Variants in ACLY observed in about 807,000 individuals in gnomAD.
The protein encoded by ACLY is ATP citrate lyase.
ACLY carries 41 observed loss-of-function variants against 133.0 expected under a neutral mutation model. The ratio of observed to expected loss-of-function variants is 0.31; its 90% CI spans 0.24 to 0.40. ACLY has a LOEUF of 0.40. ACLY is among the 10% of genes least tolerant of loss of function. The pLI is 1.00. For missense variants in ACLY, 1,046 were observed against 1,453.8 expected, an observed-to-expected ratio of 0.72 and a Z score of 4.56; for synonymous variants, 495 against 549.3, an observed-to-expected ratio of 0.90 and a Z score of 1.38.
rs544578801 is a variant in ACLY, at chr17:41,876,061, C to T, written c.2487+2042G>A. On this transcript the variant is annotated intron_variant, in intron 22 of 28. Coordinates refer to ENST00000352035, the MANE Select transcript of ACLY (RefSeq NM_001096.3). ...GGAGCGTCTCTGCCCGGCCGCCCAT[C>T]GTCTGAGATGTGGGGATGAGGAGAT... Among the ~76,000 whole-genome samples, 14 of 149,464 alleles carry T rather than the reference C, an allele frequency of 9.4e-5. No individual in the cohort carries two copies. The East Asian group carries it at 1.8e-3, about 19-fold the overall frequency.
At chr17:41,884,336 G>C in intron 18 of ACLY, 62 bp from the exon 19 acceptor site, 1 of 1,106,572 alleles carries the variant, frequency 9.0e-7, no homozygotes, top group South Asian at 1.2e-5. Flanking sequence ...AGTGTGTACA[G>C]GGTTAGGAAG....
At chr17:41,920,742 C>T (rs1307917640), upstream of ACLY, among the ~76,000 whole-genome samples, 1 of 151,978 alleles carries the variant, frequency 6.6e-6, no homozygotes, top group African/African-American at 2.4e-5. Context: ...GCCCCCACCA[C>T]CACCATCAAA....
chr17:41,917,251 C>T (rs1402208317), intron 1 of ACLY, among the ~76,000 whole-genome samples: 2 of 151,970 alleles, frequency 1.3e-5, no homozygotes, highest in African/African-American at 4.8e-5. Flanking sequence ...TCCCCAGTAG[C>T]TGAATGTGCT....
chr17:41,921,611 T>C (rs1857803480), upstream of ACLY, among the ~76,000 whole-genome samples: 1 of 152,118 alleles, frequency 6.6e-6, no homozygotes, highest in Admixed American at 6.5e-5. Context: ...AAGGAGGGCT[T>C]GAGCCCAGGA....
Position 41,869,514 on chromosome 17 carries a change from A to G in ACLY, c.3011T>C (p.Leu1004Pro). The G allele has an allele frequency of 6.2e-7, 1 of 1,614,088 alleles. No individual in the cohort carries two copies. Among genetic ancestry groups the G allele is most frequent in the Non-Finnish European group, 8.5e-7 (1 of 1,180,024 alleles). ...CTTCTCTACTTCCAGTGCATAATCG[A>G]GCAGAGGAGTGGCAGGGAAGTGCTG... ...VRQHFPATPL[L>P]DYALEVEKIT... Residue 1004 changes from leucine to proline, a missense_variant, in exon 26 of 29, where the codon CTC (leucine) becomes CCC (proline). Leu to Pro is a moderately conservative substitution (Grantham distance 98, BLOSUM62 -3). Around this residue, in one of 4 missense-constraint regions of ACLY, gnomAD observed 205 missense variants for 373.3 expected, o/e 0.55. Transcript: ENST00000352035.
intron 16 of ACLY, among the ~76,000 whole-genome samples, chr17:41,889,947 C>T (rs1453728898): frequency 2.0e-5 from 3 of 152,036 alleles, no homozygotes; most frequent in African/African-American, 7.2e-5. Flanking sequence ...TCCTGGGATT[C>T]CAGATGTGAG....
At chr17:41,892,607 T>A (rs1555629561) in intron 15 of ACLY, among the ~76,000 whole-genome samples, 160 bp from the exon 16 acceptor site, 1 of 151,968 alleles carries the variant, frequency 6.6e-6, no homozygotes, top group Non-Finnish European at 1.5e-5. Context: ...GAATACTGAC[T>A]GCCTCTGTCT....
In ACLY at chr17:41,878,848, T is replaced by C. The variant is rs1555626656; in HGVS notation, c.2342A>G (p.Glu781Gly). 1 of 1,614,088 alleles carries C rather than the reference T, an allele frequency of 6.2e-7. No homozygotes were observed. The highest frequency in any genetic ancestry group is 1.1e-5 in the South Asian group (1 of 91,074). ...TAVAKNQALK[E>G]AGVFVPRSFD... ...GCTCCGGGGCACAAACACTCCTGCTTCCTTCAAAGCCTGGTTCTTGGCTAC... is the reference window on the plus strand; with the variant it reads ...GCTCCGGGGCACAAACACTCCTGCTCCCTTCAAAGCCTGGTTCTTGGCTAC... Residue 781 changes from glutamate to glycine, a missense_variant, in exon 21 of 29, where the codon GAA becomes GGA. Coordinates refer to ENST00000352035, the MANE Select transcript of ACLY (RefSeq NM_001096.3).
At chr17:41,893,482 C>T (rs2049274634) in intron 14 of ACLY, among the ~76,000 whole-genome samples, 1 of 152,230 alleles carries the variant, frequency 6.6e-6, no homozygotes, top group Non-Finnish European at 1.5e-5. Flanking sequence ...TCCTATAGGA[C>T]CTGCTTCATT....
At chr17:41,887,855 C>T (rs782586732) in intron 16 of ACLY, 152 bp from the exon 17 acceptor site, 9 of 631,022 alleles carry the variant, frequency 1.4e-5, no homozygotes, top group Admixed American at 9.4e-5. Context: ...CAGCCGGGCG[C>T]GGTGGCTCAT....
intron 15 of ACLY, 87 bp downstream of exon 15, chr17:41,892,946 T>C: frequency 1.3e-6 from 2 of 1,519,652 alleles, no homozygotes; most frequent in East Asian, 2.3e-5. Flanking sequence ...CCCAAAGCGC[T>C]AGGATTACAG....
intron 20 of ACLY, 93 bp downstream of exon 20, chr17:41,883,029 C>T: frequency 9.6e-7 from 1 of 1,042,730 alleles, no homozygotes; most frequent in South Asian, 1.5e-5. Flanking sequence ...AAGGAACTAG[C>T]TGCGAATTAA....
chr17:41,914,518 G>C (rs1406544416), intron 1 of ACLY, among the ~76,000 whole-genome samples: 1 of 152,216 alleles, frequency 6.6e-6, no homozygotes, highest in African/African-American at 2.4e-5. Context: ...GGGGAGTAGG[G>C]GAGGGGGGAG....
At chr17:41,928,210 G>A (rs1210584681) in intron 1 of ACLY, among the ~76,000 whole-genome samples, 1 of 152,192 alleles carries the variant, frequency 6.6e-6, no homozygotes, top group Non-Finnish European at 1.5e-5. Context: ...TGTATATAGT[G>A]TGAGGTAAGG....
chr17:41,913,738 C>A lies in ACLY; in HGVS notation c.136G>T (p.Asp46Tyr). The A allele has an allele frequency of 6.2e-7, 1 of 1,614,160 alleles. No homozygotes were observed. The change falls in exon 2 of 29, where the codon GAC (aspartate) becomes TAC (tyrosine). Residue 46 changes from aspartate (D) to tyrosine (Y), a missense_variant. Physicochemically the swap from Asp to Tyr is radical, Grantham distance 160. Transcript: ENST00000352035. ...PDTDWARLLQDHPWLLSQNLV... is the reference protein window; with the variant it reads ...PDTDWARLLQYHPWLLSQNLV... ...ACCTGGCTGAGCAGCCAGGGGTGGT[C>A]CTGCAGCAAGCGGGCCCAGTCTGTG...
intron 11 of ACLY, among the ~76,000 whole-genome samples, chr17:41,899,555 T>TG (rs2049468171): frequency 6.6e-6 from 1 of 152,126 alleles, no homozygotes; most frequent in Non-Finnish European, 1.5e-5. Context: ...CACTACCTCC[T>TG]GAGAAAGGCC....
In ACLY at chr17:41,913,812, G is replaced by T; in HGVS notation, c.62C>A (p.Thr21Asn). The T allele has an allele frequency of 6.2e-7, 1 of 1,614,260 alleles. No homozygotes were observed. Among genetic ancestry groups the T allele is most frequent in the Non-Finnish European group, 8.5e-7 (1 of 1,180,044 alleles). The stretch of plus-strand genomic sequence containing the variant: ...GAACCGATTCTGGATGGCTGAGGTG[G>T]TACAGATGAACTTGTAAAGGAGTTC... ...GKELLYKFICTTSAIQNRFKY... is the reference protein window; with the variant it reads ...GKELLYKFICNTSAIQNRFKY... Residue 21 changes from threonine to asparagine, a missense_variant, in exon 2 of 29, where the codon ACC becomes AAC. Physicochemically the swap from Thr to Asn is moderately conservative, Grantham distance 65. Coordinates refer to ENST00000352035, the MANE Select transcript of ACLY (RefSeq NM_001096.3).
At chr17:41,892,755 C>G (rs2049250902) in intron 15 of ACLY, among the ~76,000 whole-genome samples, 1 of 151,940 alleles carries the variant, frequency 6.6e-6, no homozygotes, top group Non-Finnish European at 1.5e-5. Flanking sequence ...GAGTTCACTG[C>G]AGCCTCAACC....
chr17:41,909,177 A>C, intron 5 of ACLY, 109 bp from the exon 6 acceptor site: 1 of 845,978 alleles, frequency 1.2e-6, no homozygotes, highest in Non-Finnish European at 2.0e-6. Context: ...CCATTTCCCT[A>C]AACGCACCCC....
Sources: gnomAD v4.1 joint callset for allele counts (sites outside exome capture counted in the v4.1 genomes callset) on GRCh38, gnomAD v4.1.1 for gene constraint, gnomAD v4.1.1 regional missense constraint, MANE v1.5 for transcripts, NCBI Gene and HGNC (gene_info 2026-07-23, HGNC 2026-07-21) for gene names.